CFAP54: variants seen among roughly 807,000 people sequenced by gnomAD.
The protein encoded by CFAP54 is cilia and flagella associated protein 54.
CFAP54 carries 290 observed loss-of-function variants against 370.4 expected under a neutral mutation model. The observed-to-expected ratio is 0.78, with a 90% confidence interval of 0.71 to 0.86. CFAP54 has a LOEUF of 0.86. CFAP54 is among the 40% of genes least tolerant of loss of function. CFAP54 has a pLI of 0.00. For synonymous variants in CFAP54, 1,206 were observed against 1,236.5 expected (o/e 0.98, Z 0.52); for missense variants, 3,399 against 3,528.7 (o/e 0.96, Z 0.93).
At chr12:96,665,803 C>G (rs770965795) in intron 39 of CFAP54, among the ~76,000 whole-genome samples, 11 of 152,118 alleles carry the variant, frequency 7.2e-5, no homozygotes, top group Non-Finnish European at 1.0e-4. Context: ...GCTATTCAGG[C>G]TCTTTTTTGG....
chr12:96,836,570 T>A (rs535517388), intron 66 of CFAP54, among the ~76,000 whole-genome samples: 1 of 152,308 alleles, frequency 6.6e-6, no homozygotes, highest in Admixed American at 6.5e-5. Flanking sequence ...TAAGAATCTA[T>A]GCTGTAATAA....
intron 55 of CFAP54, among the ~76,000 whole-genome samples, chr12:96,752,084 ATGAG>A (rs1565965151): frequency 3.1e-5 from 1 of 32,306 alleles, no homozygotes; most frequent in African/African-American, 9.2e-5. Context: ...TTCTTCCTGG[ATGAG>A]AGAGAGAGAG....
At chr12:96,538,710 C>G (rs1319845164) in intron 13 of CFAP54, 192 bp downstream of exon 13, 6 of 579,330 alleles carry the variant, frequency 1.0e-5, no homozygotes, top group Admixed American at 9.9e-5. Flanking sequence ...TCCCTGCACT[C>G]CTGTTCTAAT....
intron 33 of CFAP54, among the ~76,000 whole-genome samples, chr12:96,647,662 T>C (rs1187070787): frequency 6.6e-6 from 1 of 151,900 alleles, no homozygotes; most frequent in Non-Finnish European, 1.5e-5. Context: ...GAGAAATATA[T>C]ATTGATGTTA....
chr12:96,592,766 A>C, intron 24 of CFAP54, 129 bp downstream of exon 24: 1 of 344,442 alleles, frequency 2.9e-6, no homozygotes. Flanking sequence ...TTGTATGATT[A>C]TGCGACTTTA....
At chr12:96,729,321 G>C (rs1440961103) in intron 50 of CFAP54, among the ~76,000 whole-genome samples, 1 of 152,214 alleles carries the variant, frequency 6.6e-6, no homozygotes, top group East Asian at 1.9e-4. Flanking sequence ...CTTGAGCTGT[G>C]GTGGGCTCCA....
intron 55 of CFAP54, among the ~76,000 whole-genome samples, chr12:96,752,561 C>T (rs1224048412): frequency 6.6e-6 from 1 of 152,168 alleles, no homozygotes; most frequent in Non-Finnish European, 1.5e-5. Context: ...ATTTCTCCTA[C>T]TTCCATTCTC....
intron 26 of CFAP54, 52 bp downstream of exon 26, chr12:96,598,819 T>C: frequency 2.3e-6 from 1 of 443,292 alleles, no homozygotes; most frequent in Middle Eastern, 5.0e-4. Context: ...GCGATGATGA[T>C]TTGGAAAGTC....
intron 26 of CFAP54, among the ~76,000 whole-genome samples, chr12:96,602,116 A>C (rs755537772): frequency 3.3e-5 from 5 of 152,124 alleles, no homozygotes; most frequent in Non-Finnish European, 7.4e-5. Flanking sequence ...TTCCCTCTAC[A>C]CACTGCTTTA....
chr12:96,809,806 C>G (rs1462422026), intron 63 of CFAP54, among the ~76,000 whole-genome samples: 2 of 152,152 alleles, frequency 1.3e-5, no homozygotes, highest in Non-Finnish European at 2.9e-5. Flanking sequence ...ACCTGTAGGT[C>G]TTTTCTCTTT....
Position 96,489,846 on chromosome 12 carries a change from C to T in CFAP54, c.237C>T (p.Ile79=). Residue 79 remains isoleucine (I), a synonymous_variant, in exon 1 of 68, where the codon ATC becomes ATT. Transcript: ENST00000524981. ...TCCTGGCCTCTTGTGAGAAGGAGAT[C>T]CAGGAGTTGTTAGGCTTTATGAGGA... ...NPLLASCEKE[I]QELLGFMRKK... The T allele has an allele frequency of 1.3e-6, 2 of 1,536,082 alleles. No homozygotes were observed. Among genetic ancestry groups the T allele is most frequent in the Non-Finnish European group, 1.7e-6 (2 of 1,146,908 alleles).
chr12:96,729,668 AGCTCGCG>A (rs1332169219), intron 50 of CFAP54, among the ~76,000 whole-genome samples: 2 of 152,192 alleles, frequency 1.3e-5, no homozygotes, highest in African/African-American at 4.8e-5. Flanking sequence ...ACCCTGCTTC[AGCTCGCG>A]CACGGCGCGC....
intron 33 of CFAP54, chr12:96,646,604 A>G (rs1225311471): frequency 2.0e-5 from 3 of 152,228 alleles, no homozygotes; most frequent in Non-Finnish European, 2.9e-5. Flanking sequence ...ATTACTGGGT[A>G]TATACCCAAA....
At chr12:96,528,319 A>G (rs1955405488) in intron 9 of CFAP54, among the ~76,000 whole-genome samples, 1 of 152,124 alleles carries the variant, frequency 6.6e-6, no homozygotes, top group Admixed American at 6.5e-5. Flanking sequence ...AGTCGATCAA[A>G]TGGCTTTCTC....
intron 11 of CFAP54, among the ~76,000 whole-genome samples, chr12:96,535,054 T>G (rs866495105): frequency 1.8e-4 from 19 of 107,808 alleles, no homozygotes; most frequent in African/African-American, 4.3e-4. Context: ...GTGTGTGTGT[T>G]TATTTATTTA....
intron 1 of CFAP54, among the ~76,000 whole-genome samples, chr12:96,491,206 AAGATG>A (rs1954880493): frequency 6.6e-6 from 1 of 152,122 alleles, no homozygotes; most frequent in Non-Finnish European, 1.5e-5. Flanking sequence ...GCTTTTGAGA[AAGATG>A]AGAAAGATAT....
intron 65 of CFAP54, among the ~76,000 whole-genome samples, 163 bp from the exon 66 acceptor site, chr12:96,828,851 A>G (rs184949979): frequency 6.6e-6 from 1 of 152,292 alleles, no homozygotes; most frequent in East Asian, 1.9e-4. Flanking sequence ...AAAAAAGCCT[A>G]ATTACTTAAG....
In CFAP54 at chr12:96,644,219, T is replaced by C. The variant is rs574721911; in HGVS notation, c.4358T>C (p.Leu1453Pro). Reference sequence around the variant, plus strand: ...GTTAGGAAAGCAGCACAACGATACCTGATGGATTACTTGAATCCTCTAATA... The same window carrying C: ...GTTAGGAAAGCAGCACAACGATACCCGATGGATTACTTGAATCCTCTAATA... ...TSVRKAAQRYLMDYLNPLILS... is the reference protein window; with the variant it reads ...TSVRKAAQRYPMDYLNPLILS... The change falls in exon 33 of 68, where the codon CTG (leucine) becomes CCG (proline). Residue 1453 changes from leucine to proline, a missense_variant. Leu to Pro is a moderately conservative substitution (Grantham distance 98, BLOSUM62 -3). This residue lies in a region of CFAP54 where 2,796 missense variants were observed against 2,869.7 expected (regional missense o/e 0.97). Coordinates refer to ENST00000524981, the MANE Select transcript of CFAP54 (RefSeq NM_001306084.2). 1 of 1,535,932 alleles carries C rather than the reference T, an allele frequency of 6.5e-7. No homozygotes were observed. Among genetic ancestry groups the C allele is most frequent in the East Asian group, 2.4e-5 (1 of 40,908 alleles).
chr12:96,780,153 A>G (rs1480059170), intron 60 of CFAP54, among the ~76,000 whole-genome samples: 2 of 152,028 alleles, frequency 1.3e-5, no homozygotes, highest in Non-Finnish European at 2.9e-5. Flanking sequence ...TTTATTCAGT[A>G]GTAGTTTCTT....
Sources: allele counts gnomAD v4.1 joint callset (sites outside exome capture counted in the v4.1 genomes callset), GRCh38; gene constraint gnomAD v4.1.1; regional missense constraint gnomAD v4.1.1; transcripts MANE v1.5; gene names NCBI Gene and HGNC (gene_info 2026-07-23, HGNC 2026-07-21).